TULP4: variants seen among roughly 807,000 people sequenced by gnomAD.
TULP4 encodes TUB like protein 4, also known as tubby-related protein 4.
TULP4 carries 16 observed loss-of-function variants against 129.0 expected under a neutral mutation model. The ratio of observed to expected loss-of-function variants is 0.12; its 90% confidence interval spans 0.08 to 0.19. The LOEUF (loss-of-function observed/expected upper bound fraction) is 0.19. Among genes scored for constraint, TULP4 ranks in the 10% least tolerant of loss-of-function variants. TULP4 has a pLI of 1.00. For missense variants in TULP4, 1,842 were observed against 2,059.1 expected (o/e 0.89, Z 2.04); for synonymous variants, 998 against 854.0 (o/e 1.17, Z -2.94).
chr6:158,453,561 C>T (rs1032077306), intron 5 of TULP4, among the ~76,000 whole-genome samples: 3 of 145,626 alleles, frequency 2.1e-5, no homozygotes, highest in East Asian at 4.1e-4. Flanking sequence ...GAGGCCGAGG[C>T]GGGCAGATCA....
intron 12 of TULP4, among the ~76,000 whole-genome samples, chr6:158,499,062 G>A (rs904585463): frequency 5.3e-5 from 8 of 152,196 alleles, no homozygotes; most frequent in Non-Finnish European, 7.4e-5. Context: ...TTGTGTTTTC[G>A]GAGCACAGTT....
Position 158,313,894 on chromosome 6 carries a change from A to C in TULP4, c.-123A>C. On this transcript the variant is annotated 5_prime_UTR_variant, in exon 1 of 14. Transcript: ENST00000367097. ...TTCTAATTAGATTCAGGTCAGTCTTAATTAAAGGGGGAAAAAAGCAACGCA... is the reference window on the plus strand; with the variant it reads ...TTCTAATTAGATTCAGGTCAGTCTTCATTAAAGGGGGAAAAAAGCAACGCA... The C allele has an allele frequency of 9.1e-7, 1 of 1,102,846 alleles. No individual in the cohort carries two copies. Among genetic ancestry groups the C allele is most frequent in the Non-Finnish European group, 1.3e-6 (1 of 786,464 alleles). 68.3% of individuals were successfully genotyped at this position (1,102,846 alleles called of 1,614,324 possible). A position where few individuals can be genotyped will look rare whatever the true frequency, so the allele number is the denominator to read the frequency against.
rs76518849 is a variant in TULP4, at chr6:158,492,823, C to T, written c.1632-750C>T. 2.5e-3 allele frequency among the ~76,000 whole-genome samples: 387 copies of T among 152,296 alleles called. 5 individuals carry two copies. Among genetic ancestry groups the T allele is most frequent in the African/African-American group, 9.1e-3 (377 of 41,560 alleles). ...ACCATACTCATTTTAATCACACTGT[C>T]TTTGGGGTAGACTGTCATTAAACAT... is the stretch of plus-strand genomic sequence containing the variant. On this transcript the variant is annotated intron_variant, in intron 9 of 13. Coordinates refer to ENST00000367097, the MANE Select transcript of TULP4 (RefSeq NM_020245.5).
chr6:158,395,474 A>C (rs562267485), intron 1 of TULP4, among the ~76,000 whole-genome samples: 1 of 151,610 alleles, frequency 6.6e-6, no homozygotes, highest in African/African-American at 2.4e-5. Flanking sequence ...CCAGCTACTC[A>C]GGAGGCTGAG....
At chr6:158,449,274 G>A (rs959976672) in intron 4 of TULP4, 98 bp downstream of exon 4, 11 of 1,303,562 alleles carry the variant, frequency 8.4e-6, no homozygotes, top group Admixed American at 4.6e-5. Context: ...GTGAAGGGCC[G>A]CCACACCTAC....
At chr6:158,239,108 T>G (rs1777792671) in intron 1 of TULP4, among the ~76,000 whole-genome samples, 2 of 109,692 alleles carry the variant, frequency 1.8e-5, no homozygotes, top group Middle Eastern at 6.3e-3. Context: ...GCAGAGGGGC[T>G]CCTCACTTCC....
intron 4 of TULP4, among the ~76,000 whole-genome samples, chr6:158,451,541 G>T (rs1319480497): frequency 6.6e-6 from 1 of 152,210 alleles, no homozygotes; most frequent in Non-Finnish European, 1.5e-5. Context: ...CTTAATGTCT[G>T]CATGAGGCTC....
At chr6:158,444,533 G>A (rs1002840714) in intron 3 of TULP4, among the ~76,000 whole-genome samples, 3 of 152,080 alleles carry the variant, frequency 2.0e-5, no homozygotes, top group African/African-American at 7.2e-5. Context: ...ATTTTTGGAA[G>A]CATGTATTAT....
At chr6:158,366,869 C>T (rs1776921072) in intron 1 of TULP4, among the ~76,000 whole-genome samples, 1 of 152,182 alleles carries the variant, frequency 6.6e-6, no homozygotes, top group African/African-American at 2.4e-5. Context: ...TTCTAAGTTG[C>T]CGTATACACA....
upstream of TULP4, among the ~76,000 whole-genome samples, chr6:158,311,485 C>T (rs1779352441): frequency 6.6e-6 from 1 of 152,204 alleles, no homozygotes; most frequent in Admixed American, 6.5e-5. Context: ...GAGACAGATT[C>T]TCTAGAACTT....
At chr6:158,309,379 CG>C (rs1779293226), upstream of TULP4, among the ~76,000 whole-genome samples, 1 of 147,292 alleles carries the variant, frequency 6.8e-6, no homozygotes, top group Non-Finnish European at 1.5e-5. Flanking sequence ...GGATGGCGGC[CG>C]GGCAGAGACG....
intron 1 of TULP4, among the ~76,000 whole-genome samples, chr6:158,270,908 G>C (rs967042122): frequency 6.6e-6 from 1 of 152,170 alleles, no homozygotes; most frequent in African/African-American, 2.4e-5. Flanking sequence ...CCAGCACTTT[G>C]GGAGGCTGAG....
intron 2 of TULP4, among the ~76,000 whole-genome samples, chr6:158,415,380 C>T (rs1347954395): frequency 1.5e-4 from 21 of 139,784 alleles, no homozygotes; most frequent in South Asian, 1.4e-3. Context: ...GACGGAGTCA[C>T]GCTCTGTCGC....
intron 1 of TULP4, among the ~76,000 whole-genome samples, chr6:158,259,388 C>T (rs1215313805): frequency 1.3e-5 from 2 of 152,178 alleles, no homozygotes; most frequent in African/African-American, 4.8e-5. Flanking sequence ...AAAAATAGCT[C>T]TTCCTCTTAT....
At chr6:158,277,264 T>C (rs563591696), upstream of TULP4, among the ~76,000 whole-genome samples, 24 of 152,314 alleles carry the variant, frequency 1.6e-4, no homozygotes, top group East Asian at 3.5e-3. Context: ...TTATGCTAGG[T>C]CTGTCTCTTG....
intron 6 of TULP4, among the ~76,000 whole-genome samples, chr6:158,475,373 C>T (rs1248935434): frequency 6.6e-6 from 1 of 152,230 alleles, no homozygotes; most frequent in African/African-American, 2.4e-5. Flanking sequence ...GCACTTTTGC[C>T]TCAGATTTAG....
chr6:158,427,470 CCTTTTTTTTT>C (rs1778523490), intron 2 of TULP4, among the ~76,000 whole-genome samples: 1 of 100,678 alleles, frequency 9.9e-6, no homozygotes, highest in Non-Finnish European at 1.9e-5. Flanking sequence ...AATTATCAGA[CCTTTTTTTTT>C]TTTTTTTTTT....
At chr6:158,329,062 C>G (rs1170236712) in intron 1 of TULP4, among the ~76,000 whole-genome samples, 1 of 152,070 alleles carries the variant, frequency 6.6e-6, no homozygotes, top group African/African-American at 2.4e-5. Context: ...CCAGTTGGGT[C>G]CACCCACAAC....
chr6:158,359,432 G>A lies in TULP4; in HGVS notation c.252+45164G>A, dbSNP rs531776750. 1.7e-3 allele frequency among the ~76,000 whole-genome samples: 259 copies of A among 152,266 alleles called. 1 individual carries two copies. The highest frequency in any genetic ancestry group is 2.5e-3 in the Non-Finnish European group (169 of 68,026). Reference sequence around the variant, plus strand: ...ATCACAAGGTGGGGTCTCACAGTAGGCCATCTGCAAGCTAAGGAGCAAGGA... The same window carrying A: ...ATCACAAGGTGGGGTCTCACAGTAGACCATCTGCAAGCTAAGGAGCAAGGA... On this transcript the variant is annotated intron_variant, in intron 1 of 13. Transcript: ENST00000367097.
Sources: gnomAD v4.1 joint callset for allele counts (sites outside exome capture counted in the v4.1 genomes callset) on GRCh38, gnomAD v4.1.1 for gene constraint, MANE v1.5 for transcripts, NCBI Gene and HGNC (gene_info 2026-07-23, HGNC 2026-07-21) for gene names.